SGCD: variants seen among roughly 807,000 people sequenced by gnomAD.
The protein encoded by SGCD is delta-sarcoglycan.
SGCD carries 18 observed loss-of-function variants against 36.6 expected under a neutral mutation model. The ratio of observed to expected loss-of-function variants is 0.49; its 90% CI spans 0.34 to 0.73. The LOEUF is 0.73. SGCD is among the 30% of genes least tolerant of loss of function. SGCD has a pLI of 0.01. For missense variants in SGCD, 387 were observed against 346.7 expected (o/e 1.12, Z -0.92); for synonymous variants, 133 against 130.6 (o/e 1.02, Z -0.12).
the SGCD span, among the ~76,000 whole-genome samples, chr5:155,849,863 C>T: frequency 2.6e-5 from 4 of 152,134 alleles, no homozygotes; most frequent in African/African-American, 9.7e-5. Context: ...AAAACTATTT[C>T]CTGATTGAAT....
At chr5:156,070,292 T>A (rs1760503270) in intron 1 of SGCD, among the ~76,000 whole-genome samples, 2 of 152,100 alleles carry the variant, frequency 1.3e-5, no homozygotes, top group Non-Finnish European at 2.9e-5. Context: ...CTCATTATTT[T>A]GAGATACGTC....
At chr5:156,463,958 A>G (rs1360958929) in intron 3 of SGCD, among the ~76,000 whole-genome samples, 3 of 152,192 alleles carry the variant, frequency 2.0e-5, no homozygotes, top group African/African-American at 7.2e-5. Flanking sequence ...CCTGTCTTAA[A>G]ACAAAACAGA....
the SGCD span, among the ~76,000 whole-genome samples, chr5:155,862,865 A>G: frequency 6.6e-6 from 1 of 152,292 alleles, no homozygotes; most frequent in Middle Eastern, 3.4e-3. Context: ...ATGTGACACT[A>G]TCTTTCTGGT....
At chr5:155,820,634 C>T in the SGCD span, among the ~76,000 whole-genome samples, 15 of 151,998 alleles carry the variant, frequency 9.9e-5, no homozygotes, top group African/African-American at 1.4e-4. Flanking sequence ...GAGGTCAAGG[C>T]GGCAGTGAGC....
intron 4 of SGCD, among the ~76,000 whole-genome samples, chr5:156,527,351 G>A (rs1391299676): frequency 6.6e-6 from 1 of 152,192 alleles, no homozygotes; most frequent in Admixed American, 6.5e-5. Context: ...GGAGTCCATA[G>A]CATCCCAGGA....
chr5:155,906,551 A>G (rs1756515910), intron 1 of SGCD, among the ~76,000 whole-genome samples: 1 of 152,192 alleles, frequency 6.6e-6, no homozygotes, highest in Non-Finnish European at 1.5e-5. Flanking sequence ...AGAAAGCAAA[A>G]CCACCTATTG....
At chr5:156,559,177 G>A (rs1158771818) in intron 4 of SGCD, among the ~76,000 whole-genome samples, 1 of 152,110 alleles carries the variant, frequency 6.6e-6, no homozygotes, top group Non-Finnish European at 1.5e-5. Context: ...ATGGGTTTCA[G>A]CCCACAGCCT....
intron 7 of SGCD, among the ~76,000 whole-genome samples, chr5:156,750,602 C>T (rs562024501): frequency 1.5e-4 from 23 of 150,730 alleles, no homozygotes; most frequent in East Asian, 5.8e-4. Context: ...GCCAAGATTG[C>T]GCCACCGCAC....
At chr5:156,607,591 C>G (rs1490157572) in intron 6 of SGCD, among the ~76,000 whole-genome samples, 3 of 152,166 alleles carry the variant, frequency 2.0e-5, no homozygotes, top group African/African-American at 7.2e-5. Flanking sequence ...CCCTCTTTTT[C>G]TGTTGATTGG....
chr5:156,690,004 G>T (rs1754050787), intron 7 of SGCD, among the ~76,000 whole-genome samples: 1 of 152,162 alleles, frequency 6.6e-6, no homozygotes, highest in African/African-American at 2.4e-5. Context: ...TTTAGTGTAT[G>T]AAATGGCTAT....
At chr5:156,748,699 A>C (rs900073954) in intron 7 of SGCD, among the ~76,000 whole-genome samples, 1 of 152,244 alleles carries the variant, frequency 6.6e-6, no homozygotes, top group African/African-American at 2.4e-5. Context: ...AACTTGAGTT[A>C]ATAAGACATA....
intron 1 of SGCD, among the ~76,000 whole-genome samples, chr5:155,944,273 TTTG>T (rs1757394246): frequency 6.6e-6 from 1 of 152,150 alleles, no homozygotes; most frequent in African/African-American, 2.4e-5. Context: ...ATTATAGGGT[TTTG>T]TATGGGGGGA....
At position 156,571,888 on chromosome 5, in the gene SGCD, C is replaced by T. The variant is rs1000772174; in HGVS notation, c.295-17343C>T. 6.6e-5 allele frequency among the ~76,000 whole-genome samples: 10 copies of T among 152,146 alleles called. No homozygotes were observed. The East Asian group carries it at 1.2e-3, about 18-fold the overall frequency. On this transcript the variant is annotated intron_variant, in intron 4 of 8. Transcript: ENST00000337851. ...TGCTTTTTATTACCCCAAACAGAAA[C>T]GCCATATCCATTCAGCAATCACTTT...
chr5:155,906,762 A>G (rs1279990628), intron 1 of SGCD, among the ~76,000 whole-genome samples: 1 of 150,902 alleles, frequency 6.6e-6, no homozygotes, highest in Non-Finnish European at 1.5e-5. Flanking sequence ...CATCTCCATG[A>G]CATAAAAGTG....
intron 4 of SGCD, among the ~76,000 whole-genome samples, chr5:156,570,637 TTTTTAAC>T (rs1213214470): frequency 6.6e-6 from 1 of 152,360 alleles, no homozygotes; most frequent in Middle Eastern, 3.4e-3. Context: ...CCCAGCTTTC[TTTTTAAC>T]TTTTAAGTTC....
chr5:156,132,691 A>T (rs1240624097), intron 3 of SGCD, among the ~76,000 whole-genome samples: 1 of 150,888 alleles, frequency 6.6e-6, no homozygotes, highest in Non-Finnish European at 1.5e-5. Flanking sequence ...GATGGTCTCG[A>T]TCTCCTGACC....
chr5:156,005,537 A>G (rs1006392529), intron 1 of SGCD, among the ~76,000 whole-genome samples: 9 of 151,302 alleles, frequency 5.9e-5, no homozygotes, highest in Non-Finnish European at 1.0e-4. Flanking sequence ...TGCAAGCTCC[A>G]CCTCCCGGGT....
At chr5:156,212,467 GCACCC>G (rs1764469766) in intron 3 of SGCD, among the ~76,000 whole-genome samples, 1 of 152,128 alleles carries the variant, frequency 6.6e-6, no homozygotes, top group Non-Finnish European at 1.5e-5. Flanking sequence ...AAATATATGT[GCACCC>G]AACATTGGAG....
intron 3 of SGCD, among the ~76,000 whole-genome samples, chr5:156,352,103 C>T (rs781445329): frequency 1.3e-5 from 2 of 152,142 alleles, no homozygotes; most frequent in Admixed American, 6.5e-5. Context: ...GTGCATTCTA[C>T]CAGCCCAATC....
Sources: gnomAD v4.1 joint callset for allele counts (sites outside exome capture counted in the v4.1 genomes callset) on GRCh38, gnomAD v4.1.1 for gene constraint, MANE v1.5 for transcripts, NCBI Gene and HGNC (gene_info 2026-07-23, HGNC 2026-07-21) for gene names.